Variants in AHNAK observed in about 807,000 individuals in gnomAD.
The protein encoded by AHNAK is neuroblast differentiation-associated protein AHNAK.
Under a neutral mutation model 37.8 loss-of-function variants are expected in AHNAK, and 23 were observed. That is an observed-to-expected ratio of 0.61 (90% CI 0.44 to 0.86). AHNAK has a LOEUF of 0.86. Ranked by LOEUF, AHNAK falls within the 40% of genes least tolerant of loss-of-function variation. AHNAK has a pLI of 0.00. For missense variants in AHNAK, 7,411 were observed against 7,319.4 expected, an observed-to-expected ratio of 1.01 and a Z score of -0.46; for synonymous variants, 2,481 against 2,636.3, an observed-to-expected ratio of 0.94 and a Z score of 1.80.
At chr11:62,482,898 C>T (rs1350911898) in intron 5 of AHNAK, among the ~76,000 whole-genome samples, 1 of 152,188 alleles carries the variant, frequency 6.6e-6, no homozygotes, top group Non-Finnish European at 1.5e-5. Context: ...AGCAGGAGAA[C>T]TGGCCCTGCT....
At chr11:62,457,954 C>T (rs1471281619) in intron 5 of AHNAK, among the ~76,000 whole-genome samples, 2 of 138,730 alleles carry the variant, frequency 1.4e-5, no homozygotes, top group South Asian at 2.3e-4. Flanking sequence ...ACTCTTGTTG[C>T]GCAGGCTGGA....
rs756118872 is a variant in AHNAK, at chr11:62,522,235, G to T, written c.12182C>A (p.Pro4061His). Residue 4061 changes from proline (P) to histidine (H), a missense_variant, in exon 5 of 5, where the codon CCC becomes CAC. Pro to His is a moderately conservative substitution (Grantham distance 77). Coordinates refer to ENST00000378024, the MANE Select transcript of AHNAK (RefSeq NM_001620.3). ...GCTGAATTTGGGCATTTTCACCTTG[G>T]GCATCTTCAGGTGCCAGTCTGGGCC... ...VHGPDWHLKM[P>H]KVKMPKFSMP... 3 of 1,612,160 alleles carry T rather than the reference G, an allele frequency of 1.9e-6. No homozygotes were observed. Among genetic ancestry groups the T allele is most frequent in the Middle Eastern group, 1.7e-4 (1 of 6,052 alleles).
chr11:62,525,323 T>A lies in AHNAK; in HGVS notation c.9094A>T (p.Met3032Leu). ...MPKVKMPKFS[M>L]PGFKGEGPDV... Reference sequence around the variant, plus strand: ...GGGCCCTCTCCTTTGAAGCCAGGCATGCTGAATTTGGGCATTTTCACTTTG... The same window carrying A: ...GGGCCCTCTCCTTTGAAGCCAGGCAAGCTGAATTTGGGCATTTTCACTTTG... The change falls in exon 5 of 5, where the codon ATG becomes TTG. Residue 3032 changes from methionine (M) to leucine (L), a missense_variant. By Grantham distance (15) the Met-to-Leu change is conservative (BLOSUM62 2). Coordinates refer to ENST00000378024, the MANE Select transcript of AHNAK (RefSeq NM_001620.3). The A allele has an allele frequency of 6.2e-7, 1 of 1,613,144 alleles. No homozygotes were observed. The highest frequency in any genetic ancestry group is 8.5e-7 in the Non-Finnish European group (1 of 1,179,812).
intron 4 of AHNAK, among the ~76,000 whole-genome samples, chr11:62,506,204 G>A (rs927327777): frequency 8.0e-5 from 12 of 150,912 alleles, no homozygotes; most frequent in Non-Finnish European, 1.5e-4. Flanking sequence ...GCGAGACCCT[G>A]TCTAAAAATA....
intron 1 of AHNAK, among the ~76,000 whole-genome samples, chr11:62,540,505 C>T (rs556480907): frequency 6.6e-6 from 1 of 152,126 alleles, no homozygotes; most frequent in East Asian, 1.9e-4. Flanking sequence ...CAGCCTCCCT[C>T]GTGATAGCAA....
chr11:62,452,946 A>C (rs1590592960), intron 5 of AHNAK, among the ~76,000 whole-genome samples: 1 of 152,050 alleles, frequency 6.6e-6, no homozygotes, highest in Non-Finnish European at 1.5e-5. Context: ...AATCGCTTGA[A>C]CCCAGGAGGT....
intron 5 of AHNAK, among the ~76,000 whole-genome samples, chr11:62,466,578 T>C (rs1938917440): frequency 6.6e-6 from 1 of 151,924 alleles, no homozygotes; most frequent in African/African-American, 2.4e-5. Flanking sequence ...GAAGTCATCC[T>C]TGATTTGTCT....
Position 62,530,839 on chromosome 11 carries a change from G to A in AHNAK, c.3578C>T (p.Pro1193Leu), listed in dbSNP as rs1940716275. 2 of 1,613,510 alleles carry A rather than the reference G, an allele frequency of 1.2e-6. No homozygotes were observed. The highest frequency in any genetic ancestry group is 1.7e-6 in the Non-Finnish European group (2 of 1,179,962). ...GTCCACATCAGGCATGGAGATCTTGGGGGTCTTGAAATGCATCTCAGGCAT... is the reference window on the plus strand; with the variant it reads ...GTCCACATCAGGCATGGAGATCTTGAGGGTCTTGAAATGCATCTCAGGCAT... Reference protein sequence around the residue: ...FKMPEMHFKTPKISMPDVDLH... With the variant: ...FKMPEMHFKTLKISMPDVDLH... The change falls in exon 5 of 5, where the codon CCC becomes CTC. Residue 1193 changes from proline to leucine, a missense_variant. Coordinates refer to ENST00000378024, the MANE Select transcript of AHNAK (RefSeq NM_001620.3).
At chr11:62,541,995 T>C (rs1590694410) in intron 1 of AHNAK, 1 of 152,312 alleles carries the variant, frequency 6.6e-6, no homozygotes, top group East Asian at 1.9e-4. Flanking sequence ...CATTAACAAC[T>C]TTTACAAACC....
Position 62,532,852 on chromosome 11 carries a change from G to A in AHNAK, c.1565C>T (p.Ala522Val). ...TTTAACATCACCTTGCACCCCAGGA[G>A]CAGAAACCTTAATATCTCCTTTCAG... ...PKLKGDIKVS[A>V]PGVQGDVKGP... The change falls in exon 5 of 5, where the codon GCT (alanine) becomes GTT (valine). Residue 522 changes from alanine to valine, a missense_variant. Ala to Val is a moderately conservative substitution (Grantham distance 64). Transcript: ENST00000378024. 6.2e-7 allele frequency: 1 copy of A among 1,614,068 alleles called. No homozygotes were observed. The highest frequency in any genetic ancestry group is 8.5e-7 in the Non-Finnish European group (1 of 1,179,980).
chr11:62,487,260 T>C (rs1404514977), intron 5 of AHNAK, among the ~76,000 whole-genome samples: 1 of 152,164 alleles, frequency 6.6e-6, no homozygotes, highest in Non-Finnish European at 1.5e-5. Context: ...ACAACCACCA[T>C]CTAAGGGATG....
Position 62,523,579 on chromosome 11 carries a change from G to A in AHNAK, c.10838C>T (p.Pro3613Leu). The A allele has an allele frequency of 1.2e-6, 2 of 1,614,060 alleles. No homozygotes were observed. The highest frequency in any genetic ancestry group is 1.7e-6 in the Non-Finnish European group (2 of 1,180,010). The change falls in exon 5 of 5, where the codon CCT becomes CTT. Residue 3613 changes from proline to leucine, a missense_variant. Pro to Leu is a moderately conservative substitution (Grantham distance 98, BLOSUM62 -3). Coordinates refer to ENST00000378024, the MANE Select transcript of AHNAK (RefSeq NM_001620.3). ...TTCAGGGCCTTCTCCTTTGAAGCCAGGCATGCTGAACTTGGGCATTTTCAC... is the reference window on the plus strand; with the variant it reads ...TTCAGGGCCTTCTCCTTTGAAGCCAAGCATGCTGAACTTGGGCATTTTCAC... ...PKVKMPKFSM[P>L]GFKGEGPEVD...
At chr11:62,510,347 A>C (rs1223005103) in intron 4 of AHNAK, among the ~76,000 whole-genome samples, 2 of 151,942 alleles carry the variant, frequency 1.3e-5, no homozygotes, top group Non-Finnish European at 2.9e-5. Flanking sequence ...CCCGCCCTCT[A>C]TTGGAGTTAT....
intron 5 of AHNAK, among the ~76,000 whole-genome samples, chr11:62,454,210 T>C (rs985902304): frequency 2.0e-5 from 3 of 151,068 alleles, no homozygotes; most frequent in African/African-American, 7.3e-5. Flanking sequence ...TCAGGAGATC[T>C]AGACCATCCT....
At position 62,517,880 on chromosome 11, in the gene AHNAK, G is replaced by T. The variant is rs762031877; in HGVS notation, c.16537C>A (p.Leu5513Ile). The change falls in exon 5 of 5, where the codon CTC (leucine) becomes ATC (isoleucine). Residue 5513 changes from leucine to isoleucine, a missense_variant. Coordinates refer to ENST00000378024, the MANE Select transcript of AHNAK (RefSeq NM_001620.3). ...DVNLPGVNVKLPTGQISGPEI... is the reference protein window; with the variant it reads ...DVNLPGVNVKIPTGQISGPEI... Reference sequence around the variant, plus strand: ...GGCCCAGAAATCTGCCCAGTTGGGAGTTTCACATTCACGCCTGGCAGGTTC... The same window carrying T: ...GGCCCAGAAATCTGCCCAGTTGGGATTTTCACATTCACGCCTGGCAGGTTC... 1.2e-6 allele frequency: 2 copies of T among 1,614,160 alleles called. No individual in the cohort carries two copies. Among genetic ancestry groups the T allele is most frequent in the South Asian group, 1.1e-5 (1 of 91,084 alleles).
At chr11:62,435,062 C>A (rs1036924513) in intron 5 of AHNAK, among the ~76,000 whole-genome samples, 1 of 152,092 alleles carries the variant, frequency 6.6e-6, no homozygotes, top group Non-Finnish European at 1.5e-5. Flanking sequence ...ACCTGCTCAC[C>A]CTTCCCAAAC....
rs543193176 is a variant in AHNAK, at chr11:62,444,354, G to T, written c.443-10463C>A. 5.9e-5 allele frequency among the ~76,000 whole-genome samples: 9 copies of T among 152,312 alleles called. No homozygotes were observed. The South Asian group carries it at 1.2e-3, about 21-fold the overall frequency. On this transcript the variant is annotated intron_variant, in intron 5 of 5. Transcript: ENST00000257247. The stretch of plus-strand genomic sequence containing the variant: ...GCCCGGCCTCTGCCACAGCTGGGTG[G>T]GTGCCCAGCCAAGGAAGCTTGTGCC...
In AHNAK at chr11:62,519,938, C is replaced by G; in HGVS notation, c.14479G>C (p.Gly4827Arg). The change falls in exon 5 of 5, where the codon GGT becomes CGT. Residue 4827 changes from glycine to arginine, a missense_variant. Transcript: ENST00000378024. ...DVDIPDVNIEGPDAKLKGPKF... is the reference protein window; with the variant it reads ...DVDIPDVNIERPDAKLKGPKF... ...GGGCCCTTCAGTTTTGCGTCTGGACCTTCGATATTCACATCTGGAATATCA... is the reference window on the plus strand; with the variant it reads ...GGGCCCTTCAGTTTTGCGTCTGGACGTTCGATATTCACATCTGGAATATCA... 6.2e-7 allele frequency: 1 copy of G among 1,613,596 alleles called. No homozygotes were observed. The highest frequency in any genetic ancestry group is 1.7e-4 in the Middle Eastern group (1 of 6,056).
rs777473075 is a variant in AHNAK at position 62,526,206 on chromosome 11, C to T, written c.8211G>A (p.Lys2737=). Reference sequence around the variant, plus strand: ...GGCCCTTGATGTCAACTTCTGGGCCCTTGAGGTCACCTTCCACTTTAGGAA... The same window carrying T: ...GGCCCTTGATGTCAACTTCTGGGCCTTTGAGGTCACCTTCCACTTTAGGAA... ...VSLPKVEGDL[K]GPEVDIKGPK... is the part of the protein sequence containing the mutation. The change falls in exon 5 of 5, where the codon AAG becomes AAA. Residue 2737 remains lysine, a synonymous_variant. Transcript: ENST00000378024. 42 of 1,613,898 alleles carry T rather than the reference C, an allele frequency of 2.6e-5. No homozygotes were observed. Among genetic ancestry groups the T allele is most frequent in the Non-Finnish European group, 3.5e-5 (41 of 1,179,976 alleles).
Sources: gnomAD v4.1 joint callset for allele counts (sites outside exome capture counted in the v4.1 genomes callset) on GRCh38, gnomAD v4.1.1 for gene constraint, MANE v1.5 for transcripts, NCBI Gene and HGNC (gene_info 2026-07-23, HGNC 2026-07-21) for gene names.